Variants in RABGEF1 observed in about 807,000 individuals in gnomAD.
RABGEF1 encodes the protein RAB guanine nucleotide exchange factor 1, also known as rab5 GDP/GTP exchange factor.
Under a neutral mutation model 57.3 loss-of-function variants are expected in RABGEF1, and 26 were observed. That is an observed-to-expected ratio of 0.45 (90% confidence interval 0.33 to 0.63). The LOEUF is 0.63. Ranked by LOEUF, RABGEF1 falls within the 20% of genes least tolerant of loss-of-function variation. RABGEF1 has a pLI of 0.02. For synonymous variants in RABGEF1, 185 were observed against 210.7 expected, an observed-to-expected ratio of 0.88 and a Z score of 1.06; for missense variants, 464 against 607.6, an observed-to-expected ratio of 0.76 and a Z score of 2.48.
chr7:66,755,831 T>C, intron 1 of RABGEF1: 3 of 413,248 alleles, frequency 7.3e-6, no homozygotes, highest in South Asian at 9.3e-5. Flanking sequence ...CTTGCTCTGC[T>C]CATTCCAGCA....
At chr7:66,713,420 G>A (rs1463913483) in intron 2 of RABGEF1, among the ~76,000 whole-genome samples, 1 of 152,162 alleles carries the variant, frequency 6.6e-6, no homozygotes, top group Non-Finnish European at 1.5e-5. Context: ...GAGCCACTGC[G>A]TCTAGCCCAA....
the RABGEF1 span, among the ~76,000 whole-genome samples, chr7:66,670,983 C>T: frequency 1.3e-5 from 2 of 151,466 alleles, no homozygotes; most frequent in African/African-American, 4.9e-5. Flanking sequence ...GTGATACTCT[C>T]ATTATTTATG....
At chr7:66,711,491 T>G (rs1200146151) in intron 1 of RABGEF1, among the ~76,000 whole-genome samples, 1 of 152,116 alleles carries the variant, frequency 6.6e-6, no homozygotes, top group Non-Finnish European at 1.5e-5. Flanking sequence ...CCAGCACCAT[T>G]TGTTATAAAG....
upstream of RABGEF1, among the ~76,000 whole-genome samples, chr7:66,679,647 A>G (rs73133900): frequency 0.032 from 4,797 of 152,276 alleles, 121 homozygotes; most frequent in Non-Finnish European, 0.041. Flanking sequence ...CTTCACAAGG[A>G]AACTTTGAAA....
chr7:66,737,641 A>G (rs1262530260), upstream of RABGEF1, among the ~76,000 whole-genome samples: 1 of 152,192 alleles, frequency 6.6e-6, no homozygotes, highest in Non-Finnish European at 1.5e-5. Flanking sequence ...CTTTTTTAAA[A>G]AACCTCTGTT....
At chr7:66,725,791 G>A (rs1796516239) in intron 2 of RABGEF1, among the ~76,000 whole-genome samples, 1 of 152,206 alleles carries the variant, frequency 6.6e-6, no homozygotes, top group Non-Finnish European at 1.5e-5. Flanking sequence ...TCTGAGGGAA[G>A]ACACAAGGAG....
At chr7:66,728,565 C>T (rs1796863871) in intron 2 of RABGEF1, among the ~76,000 whole-genome samples, 1 of 152,168 alleles carries the variant, frequency 6.6e-6, no homozygotes, top group South Asian at 2.1e-4. Context: ...CCATTTCTTC[C>T]ACCATCACCT....
chr7:66,738,014 GTTTT>G (rs759479602), upstream of RABGEF1, among the ~76,000 whole-genome samples: 2 of 139,902 alleles, frequency 1.4e-5, no homozygotes, highest in African/African-American at 5.2e-5. Context: ...TGTGTTTTTT[GTTTT>G]TTTTGTTTTT....
At chr7:66,728,871 CA>C (rs2117615801) in intron 2 of RABGEF1, among the ~76,000 whole-genome samples, 1 of 8,670 alleles carries the variant, frequency 1.2e-4, no homozygotes, top group South Asian at 2.6e-3. Flanking sequence ...CCTCCACCTT[CA>C]ACTCCACTCT....
chr7:66,712,013 A>C (rs1794839924), intron 1 of RABGEF1, among the ~76,000 whole-genome samples: 1 of 152,182 alleles, frequency 6.6e-6, no homozygotes, highest in African/African-American at 2.4e-5. Context: ...TAAGTCCTAA[A>C]TTCAGGTAAT....
At chr7:66,745,437 T>C (rs1382762941) in intron 1 of RABGEF1, among the ~76,000 whole-genome samples, 1 of 152,084 alleles carries the variant, frequency 6.6e-6, no homozygotes, top group African/African-American at 2.4e-5. Context: ...ATAGAAATGG[T>C]ACCAAGTGAG....
At chr7:66,687,113 C>CTTTTTTTT (rs71526570) in intron 1 of RABGEF1, among the ~76,000 whole-genome samples, 9 of 103,638 alleles carry the variant, frequency 8.7e-5, no homozygotes, top group Admixed American at 1.2e-4. Context: ...CCACGCCCGG[C>CTTTTTTTT]TTTTTTTTTT....
At chr7:66,697,152 G>A (rs1404800971) in intron 1 of RABGEF1, among the ~76,000 whole-genome samples, 1 of 152,120 alleles carries the variant, frequency 6.6e-6, no homozygotes, top group African/African-American at 2.4e-5. Flanking sequence ...GAGAGGGGCT[G>A]GGAAGAACCT....
chr7:66,781,922 T>G (rs138771241), intron 3 of RABGEF1, among the ~76,000 whole-genome samples: 4 of 152,206 alleles, frequency 2.6e-5, no homozygotes, highest in African/African-American at 9.7e-5. Context: ...TTTGTTTCCC[T>G]TCTTTGAGGA....
intron 1 of RABGEF1, among the ~76,000 whole-genome samples, chr7:66,762,102 G>A (rs1172735311): frequency 1.3e-5 from 2 of 151,688 alleles, no homozygotes; most frequent in African/African-American, 2.4e-5. Context: ...CTAGGATGAG[G>A]GCTATGGTAG....
chr7:66,721,967 T>C (rs1287677828), intron 2 of RABGEF1, among the ~76,000 whole-genome samples: 3 of 150,762 alleles, frequency 2.0e-5, no homozygotes, highest in Admixed American at 6.6e-5. Flanking sequence ...GCCTGGACAA[T>C]ATAGTGAGAC....
upstream of RABGEF1, among the ~76,000 whole-genome samples, chr7:66,678,914 G>GA (rs1789495467): frequency 6.6e-6 from 1 of 152,178 alleles, no homozygotes; most frequent in Non-Finnish European, 1.5e-5. Flanking sequence ...AGTTAAACAA[G>GA]AAAGTACTCA....
At chr7:66,692,336 A>G (rs530267005) in intron 1 of RABGEF1, among the ~76,000 whole-genome samples, 1 of 151,854 alleles carries the variant, frequency 6.6e-6, no homozygotes, top group Non-Finnish European at 1.5e-5. Flanking sequence ...TCTCTTACCC[A>G]TGCTTCCTGG....
intron 1 of RABGEF1, among the ~76,000 whole-genome samples, chr7:66,693,710 T>C (rs1233632953): frequency 6.6e-6 from 1 of 152,224 alleles, no homozygotes; most frequent in African/African-American, 2.4e-5. Flanking sequence ...ATGGCACCAT[T>C]TCAGGAGGGT....
Sources: allele counts gnomAD v4.1 joint callset (sites outside exome capture counted in the v4.1 genomes callset), GRCh38; gene constraint gnomAD v4.1.1; transcripts MANE v1.5; gene names NCBI Gene and HGNC (gene_info 2026-07-23, HGNC 2026-07-21).